Variants in TTYH3 observed in about 807,000 individuals in gnomAD.
TTYH3 encodes tweety family member 3.
In TTYH3, 23 loss-of-function variants were observed where a neutral mutation model predicts 68.2. The observed-to-expected ratio is 0.34, with a 90% CI of 0.24 to 0.48. The LOEUF (loss-of-function observed/expected upper bound fraction) is 0.48, where lower values mean the gene tolerates loss of function less well. TTYH3 is among the 20% of genes least tolerant of loss of function. The probability of loss-of-function intolerance (pLI) is 0.99; values close to 1 mark genes in which losing one functional copy is unlikely to be tolerated. For missense variants in TTYH3, 768 were observed against 727.7 expected (o/e 1.06, Z -0.64); for synonymous variants, 360 against 332.8 (o/e 1.08, Z -0.89).
chr7:2,632,266 C>A lies in TTYH3; in HGVS notation c.111C>A (p.Thr37=). Residue 37 remains threonine, a synonymous_variant, in exon 1 of 14, where the codon ACC becomes ACA. Coordinates refer to ENST00000258796, the MANE Select transcript of TTYH3 (RefSeq NM_025250.3). The part of the protein sequence containing the change: ...ATSSQFRPED[T]DYQQALLLLG... Reference sequence around the variant, plus strand: ...GCAGCCAGTTCCGGCCCGAGGACACCGACTACCAGCAGGTGACATGGGCCT... The same window carrying A: ...GCAGCCAGTTCCGGCCCGAGGACACAGACTACCAGCAGGTGACATGGGCCT... The A allele has an allele frequency of 1.3e-6, 2 of 1,582,506 alleles. No individual in the cohort carries two copies. Among genetic ancestry groups the A allele is most frequent in the Admixed American group, 1.7e-5 (1 of 57,876 alleles).
rs1273909544 is a variant in TTYH3 at position 2,664,394 on chromosome 7, C to G, written c.*2655C>G. On this transcript the variant is annotated 3_prime_UTR_variant, in exon 14 of 14. Transcript: ENST00000258796. ...CCAGACAAGGGGGCAGGCGGGGGAC[C>G]AGGGCCTCTCCTGTGGGATCTTTGT... The G allele has an allele frequency of 2.0e-5, 3 of 152,590 alleles. No homozygotes were observed. The highest frequency in any genetic ancestry group is 3.7e-4 in the East Asian group (2 of 5,334). The allele number at this position is 152,590 out of a possible 1,614,324, so 9.5% of individuals were successfully genotyped here.
chr7:2,642,748 C>CTT lies in TTYH3; in HGVS notation c.124-4088_124-4087dup, dbSNP rs915544871. On this transcript the variant is annotated intron_variant, in intron 1 of 13. Coordinates refer to ENST00000258796, the MANE Select transcript of TTYH3 (RefSeq NM_025250.3). ...GTCTCTAAAATAATTTTTTTCTTTT[C>CTT]TTTTTTTTTTTTTTTTTTAAATCGT... 7.0e-4 allele frequency among the ~76,000 whole-genome samples: 90 copies of CTT among 128,148 alleles called. 1 individual carries two copies. The highest frequency in any genetic ancestry group is 2.0e-3 in the African/African-American group (69 of 35,140). 84.1% of individuals were successfully genotyped at this position (128,148 alleles called of 152,430 possible).
chr7:2,648,429 G>C (rs1786061566), intron 5 of TTYH3: 2 of 213,908 alleles, frequency 9.3e-6, no homozygotes, highest in Admixed American at 1.1e-4. Context: ...CTGGGTTCCA[G>C]CCCCAGCTCC....
chr7:2,642,044 C>A (rs12234717), intron 1 of TTYH3, among the ~76,000 whole-genome samples: 1 of 152,212 alleles, frequency 6.6e-6, no homozygotes, highest in South Asian at 2.1e-4. Context: ...GCCTCTGGCC[C>A]CCAGGGGCTG....
intron 1 of TTYH3, among the ~76,000 whole-genome samples, chr7:2,633,160 C>T (rs1025985796): frequency 1.1e-4 from 17 of 152,182 alleles, no homozygotes; most frequent in Admixed American, 6.5e-5. Context: ...GCATTTCCTT[C>T]CTGCCTAGAG....
intron 1 of TTYH3, among the ~76,000 whole-genome samples, chr7:2,636,142 C>T (rs1035850558): frequency 1.3e-5 from 2 of 152,334 alleles, no homozygotes. Flanking sequence ...GAGCACAACA[C>T]CTCTGTCTGT....
At position 2,661,668 on chromosome 7, in the gene TTYH3, T is replaced by C; in HGVS notation, c.1501T>C (p.Tyr501His). The change falls in exon 14 of 14, where the codon TAC becomes CAC. Residue 501 changes from tyrosine to histidine, a missense_variant and splice_region_variant. Physicochemically the swap from Tyr to His is moderately conservative, Grantham distance 83. Coordinates refer to ENST00000258796, the MANE Select transcript of TTYH3 (RefSeq NM_025250.3). ...ATGCCTCCCCCTTGTCTCCCTCCAG[T>C]ACACCTCCAGCATGAGAGCCAAATA... The part of the protein sequence containing the change: ...LIGRESPPPS[Y>H]TSSMRAKYLA... 1 of 1,612,104 alleles carries C rather than the reference T, an allele frequency of 6.2e-7. No individual in the cohort carries two copies. The highest frequency in any genetic ancestry group is 8.5e-7 in the Non-Finnish European group (1 of 1,179,426).
At chr7:2,654,754 C>A (rs998920670) in intron 9 of TTYH3, among the ~76,000 whole-genome samples, 69 of 152,242 alleles carry the variant, frequency 4.5e-4, no homozygotes, top group African/African-American at 1.6e-3. Flanking sequence ...CTGTGGGTGT[C>A]TGTGTCTTGA....
chr7:2,635,559 G>C (rs1785635244), intron 1 of TTYH3, among the ~76,000 whole-genome samples: 4 of 152,232 alleles, frequency 2.6e-5, no homozygotes, highest in Non-Finnish European at 2.9e-5. Flanking sequence ...AACCCAGGCG[G>C]TGGGAGCCCA....
rs1202464571 is a variant in TTYH3, at chr7:2,632,771, A to G, written c.123+493A>G. 2.6e-5 allele frequency among the ~76,000 whole-genome samples: 4 copies of G among 152,086 alleles called. No individual in the cohort carries two copies. In the South Asian group the frequency reaches 6.2e-4, roughly 24 times the overall value. On this transcript the variant is annotated intron_variant, in intron 1 of 13. Transcript: ENST00000258796. ...GCAGGCAGGCAGAGACTCCTCGCCC[A>G]CTCACCCCCGACTGGGGAATCCCAC...
intron 7 of TTYH3, among the ~76,000 whole-genome samples, chr7:2,651,745 T>A (rs1373353885): frequency 1.3e-5 from 2 of 152,114 alleles, no homozygotes; most frequent in Non-Finnish European, 2.9e-5. Flanking sequence ...TTTAAAATGT[T>A]TTTTTTTAAT....
intron 11 of TTYH3, among the ~76,000 whole-genome samples, chr7:2,657,356 ATGATGG>A (rs1422161511): frequency 8.7e-5 from 13 of 149,046 alleles, no homozygotes; most frequent in Middle Eastern, 3.4e-3. Context: ...GATGGTGGTG[ATGATGG>A]TGATGGTGGT....
At position 2,647,180 on chromosome 7, in the gene TTYH3, C is replaced by A. The variant is rs1340133415; in HGVS notation, c.332C>A (p.Thr111Asn). The A allele has an allele frequency of 6.2e-7, 1 of 1,606,960 alleles. No homozygotes were observed. Among genetic ancestry groups the A allele is most frequent in the Non-Finnish European group, 8.5e-7 (1 of 1,178,180 alleles). Residue 111 changes from threonine (T) to asparagine (N), a missense_variant, in exon 3 of 14, where the codon ACC becomes AAC. Physicochemically the swap from Thr to Asn is moderately conservative, Grantham distance 65 (BLOSUM62 0). Coordinates refer to ENST00000258796, the MANE Select transcript of TTYH3 (RefSeq NM_025250.3). ...IAVGFYGNGETSDGIHRATYS... is the reference protein window; with the variant it reads ...IAVGFYGNGENSDGIHRATYS... ...GTGGGATTCTACGGCAACGGGGAGA[C>A]CAGTGATGGCATCCATAGGGCCACC...
At position 2,644,153 on chromosome 7, in the gene TTYH3, G is replaced by T. The variant is rs567489154; in HGVS notation, c.124-2700G>T. 5.9e-5 allele frequency among the ~76,000 whole-genome samples: 9 copies of T among 152,298 alleles called. No individual in the cohort carries two copies. In the South Asian group the frequency reaches 1.7e-3, roughly 28 times the overall value. On this transcript the variant is annotated intron_variant, in intron 1 of 13. Transcript: ENST00000258796. ...GATGGAAGTGCAGACGTGGGCATGG[G>T]TCCTGTGGAGCTCTGGTCCCGGGGG... is the stretch of plus-strand genomic sequence containing the variant.
In TTYH3 at chr7:2,656,480, C is replaced by T; in HGVS notation, c.1196C>T (p.Ala399Val). The T allele has an allele frequency of 6.2e-7, 1 of 1,611,948 alleles. No individual in the cohort carries two copies. Among genetic ancestry groups the T allele is most frequent in the African/African-American group, 1.3e-5 (1 of 75,004 alleles). Residue 399 changes from alanine (A) to valine (V), a missense_variant, in exon 11 of 14, where the codon GCC becomes GTC. Transcript: ENST00000258796. Reference protein sequence around the residue: ...IYLALFSFVTALMFSSIVCSV... With the variant: ...IYLALFSFVTVLMFSSIVCSV... Reference sequence around the variant, plus strand: ...CTGGCCCTCTTCTCCTTCGTCACAGCCCTCATGTTCAGCTCCATCGTCTGC... The same window carrying T: ...CTGGCCCTCTTCTCCTTCGTCACAGTCCTCATGTTCAGCTCCATCGTCTGC...
In TTYH3 at chr7:2,639,728, T is replaced by G. The variant is rs115191964; in HGVS notation, c.124-7125T>G. 4.8e-3 allele frequency among the ~76,000 whole-genome samples: 735 copies of G among 152,314 alleles called. 7 individuals are homozygous for G. Among genetic ancestry groups the G allele is most frequent in the African/African-American group, 0.017 (700 of 41,568 alleles). On this transcript the variant is annotated intron_variant, in intron 1 of 13. Coordinates refer to ENST00000258796, the MANE Select transcript of TTYH3 (RefSeq NM_025250.3). Reference sequence around the variant, plus strand: ...GTTACCATATTGTGTGTCTGTCACATGCCGGCACCTCTGGTGGGGTTCTGG... The same window carrying G: ...GTTACCATATTGTGTGTCTGTCACAGGCCGGCACCTCTGGTGGGGTTCTGG...
rs1335142204 is a variant in TTYH3 at position 2,645,229 on chromosome 7, G to A, written c.124-1624G>A. Among the ~76,000 whole-genome samples the A allele has an allele frequency of 6.6e-6, 1 of 151,984 alleles. No homozygotes were observed. The highest frequency in any genetic ancestry group is 2.1e-4 in the South Asian group (1 of 4,814). On this transcript the variant is annotated intron_variant, in intron 1 of 13. Transcript: ENST00000258796. The surrounding 1 kb of genome is among the most constrained non-coding windows in gnomAD (Gnocchi z 4.8). ...CCCCCGGCACAGGAAGTGTGTGGAGGTTCTGGAGGGCTGAGCCGGGGGCAG... is the reference window on the plus strand; with the variant it reads ...CCCCCGGCACAGGAAGTGTGTGGAGATTCTGGAGGGCTGAGCCGGGGGCAG...
intron 1 of TTYH3, among the ~76,000 whole-genome samples, chr7:2,639,589 T>A (rs769335346): frequency 6.6e-6 from 1 of 152,332 alleles, no homozygotes; most frequent in East Asian, 1.9e-4. Context: ...TGGAAGCTGA[T>A]GCTCCCAATT....
chr7:2,641,709 G>A (rs745663424), intron 1 of TTYH3, among the ~76,000 whole-genome samples: 2 of 152,262 alleles, frequency 1.3e-5, no homozygotes, highest in Non-Finnish European at 2.9e-5. Flanking sequence ...CTGGGCCACC[G>A]TAGGAATGCC....
Sources: gnomAD v4.1 joint callset for allele counts (sites outside exome capture counted in the v4.1 genomes callset) on GRCh38, gnomAD v4.1.1 for gene constraint, Gnocchi (gnomAD v3.1) non-coding constraint, MANE v1.5 for transcripts, NCBI Gene and HGNC (gene_info 2026-07-23, HGNC 2026-07-21) for gene names.